Variants in E2F5 observed in about 807,000 individuals in gnomAD.
E2F5 encodes the protein E2F transcription factor 5.
A neutral mutation model predicts 39.1 loss-of-function variants in E2F5; 23 were observed. That is an observed-to-expected ratio of 0.59 (90% CI 0.42 to 0.83). The LOEUF (loss-of-function observed/expected upper bound fraction) is 0.83, where lower values mean the gene tolerates loss of function less well. Ranked by LOEUF, E2F5 falls within the 40% of genes least tolerant of loss-of-function variation. The pLI, the probability that E2F5 is intolerant of heterozygous loss-of-function variation, is 0.00. For synonymous variants in E2F5, 145 were observed against 157.8 expected (o/e 0.92, Z 0.61); for missense variants, 365 against 406.7 (o/e 0.90, Z 0.88).
intron 1 of E2F5, among the ~76,000 whole-genome samples, chr8:85,194,104 T>C (rs1812527058): frequency 6.6e-6 from 1 of 152,168 alleles, no homozygotes; most frequent in Admixed American, 6.5e-5. Flanking sequence ...GTTTTCTATG[T>C]TTTAATTATT....
At chr8:85,210,340 CTATAAA>C (rs1812889065) in intron 6 of E2F5, among the ~76,000 whole-genome samples, 1 of 152,086 alleles carries the variant, frequency 6.6e-6, no homozygotes, top group Non-Finnish European at 1.5e-5. Flanking sequence ...TTTCTTTCCC[CTATAAA>C]TATGTCTATA....
In E2F5 at chr8:85,194,597, C is replaced by T. The variant is rs560065736; in HGVS notation, c.235-7550C>T. Among the ~76,000 whole-genome samples the T allele has an allele frequency of 2.7e-4, 38 of 138,970 alleles. No homozygotes were observed. In the South Asian group the frequency reaches 7.8e-3, roughly 29 times the overall value. The allele number at this position is 138,970 out of a possible 152,430, so 91.2% of individuals were successfully genotyped here. On this transcript the variant is annotated intron_variant, in intron 1 of 7. Coordinates refer to ENST00000416274, the MANE Select transcript of E2F5 (RefSeq NM_001951.4). ...TCACCCAGGCTGGAGTGCAGTGGTG[C>T]GATCTCAGCTCACTGCTACCTCTGC...
Position 85,177,598 on chromosome 8 carries a change from A to G in E2F5, c.178A>G (p.Thr60Ala), listed in dbSNP as rs1812112738. ...CGAGAAGAGCCTGGGGCTGCTCACT[A>G]CCAAGTTCGTGTCGCTGCTGCAGGA... is the stretch of plus-strand genomic sequence containing the variant. ...RHEKSLGLLTTKFVSLLQEAK... is the reference protein window; with the variant it reads ...RHEKSLGLLTAKFVSLLQEAK... Residue 60 changes from threonine (T) to alanine (A), a missense_variant, in exon 1 of 8, where the codon ACC becomes GCC. Coordinates refer to ENST00000416274, the MANE Select transcript of E2F5 (RefSeq NM_001951.4). The G allele has an allele frequency of 7.7e-7, 1 of 1,294,974 alleles. No homozygotes were observed. The allele number at this position is 1,294,974 out of a possible 1,614,324, so 80.2% of individuals were successfully genotyped here.
At chr8:85,196,931 T>G (rs1235976327) in intron 1 of E2F5, among the ~76,000 whole-genome samples, 1 of 152,220 alleles carries the variant, frequency 6.6e-6, no homozygotes, top group Non-Finnish European at 1.5e-5. Context: ...ATGAAATAGA[T>G]CAACATAAAG....
intron 1 of E2F5, among the ~76,000 whole-genome samples, chr8:85,194,147 A>T (rs767395142): frequency 6.6e-6 from 1 of 152,058 alleles, no homozygotes; most frequent in African/African-American, 2.4e-5. Flanking sequence ...TCTTCTATAT[A>T]TGTAACATTT....
intron 6 of E2F5, 84 bp from the exon 7 acceptor site, chr8:85,212,073 G>A (rs1812937289): frequency 9.5e-7 from 1 of 1,047,334 alleles, no homozygotes; most frequent in African/African-American, 1.6e-5. Context: ...TGTCAGTCAA[G>A]CTGCTGCTGT....
At chr8:85,212,773 G>GT (rs34242372) in intron 7 of E2F5, 94,924 of 152,078 alleles carry the variant, frequency 0.62, 30,279 homozygotes, top group Non-Finnish European at 0.67. Context: ...AAATGTTATA[G>GT]TAACTAGAGA....
At chr8:85,190,497 C>CTTTTT (rs34804570) in intron 1 of E2F5, among the ~76,000 whole-genome samples, 57 of 70,334 alleles carry the variant, frequency 8.1e-4, no homozygotes, top group African/African-American at 1.7e-3. Context: ...GAGATTTTTC[C>CTTTTT]TTTTTTTTTT....
intron 4 of E2F5, 140 bp downstream of exon 4, chr8:85,206,360 T>C: frequency 1.3e-6 from 1 of 760,776 alleles, no homozygotes; most frequent in Non-Finnish European, 2.1e-6. Context: ...TGCCGTGTAT[T>C]GATAGACTGC....
intron 1 of E2F5, among the ~76,000 whole-genome samples, chr8:85,192,290 A>C (rs1162719707): frequency 6.6e-6 from 1 of 152,234 alleles, no homozygotes; most frequent in Non-Finnish European, 1.5e-5. Flanking sequence ...GACATGAATA[A>C]GATGCCTGTG....
At position 85,202,271 on chromosome 8, in the gene E2F5, A is replaced by G; in HGVS notation, c.344+15A>G. On this transcript the variant is annotated intron_variant, in intron 2 of 7. Transcript: ENST00000416274. ...ATCCAGTGGAAGTAAGTTACAAACC[A>G]GCACCCTCTTCTGAAACCTTTTTTC... 6.5e-7 allele frequency: 1 copy of G among 1,545,080 alleles called. No homozygotes were observed. The highest frequency in any genetic ancestry group is 8.7e-7 in the Non-Finnish European group (1 of 1,143,732).
chr8:85,204,605 T>A lies in E2F5; in HGVS notation c.506+1350T>A, dbSNP rs540234041. Among the ~76,000 whole-genome samples, 14 of 151,680 alleles carry A rather than the reference T, an allele frequency of 9.2e-5. No individual in the cohort carries two copies. The East Asian group carries it at 2.7e-3, about 30-fold the overall frequency. Reference sequence around the variant, plus strand: ...ATACCTAATGCTAAATGACGAGTTATTGGGTGCAGCACGCCAACATGGCAC... The same window carrying A: ...ATACCTAATGCTAAATGACGAGTTAATGGGTGCAGCACGCCAACATGGCAC... On this transcript the variant is annotated intron_variant, in intron 3 of 7. Transcript: ENST00000416274.
intron 1 of E2F5, 188 bp downstream of exon 1, chr8:85,177,842 A>G (rs1432514508): frequency 1.2e-5 from 12 of 1,034,648 alleles, no homozygotes; most frequent in Non-Finnish European, 1.4e-5. Flanking sequence ...GGGACGAGGG[A>G]CCAGGATGGC....
At chr8:85,212,079 GCTGT>G in intron 6 of E2F5, 74 bp from the exon 7 acceptor site, 1 of 1,119,742 alleles carries the variant, frequency 8.9e-7, no homozygotes, top group South Asian at 1.3e-5. Flanking sequence ...TCAAGCTGCT[GCTGT>G]GACTACTTGT....
intron 1 of E2F5, chr8:85,177,953 C>T (rs990685899): frequency 1.5e-5 from 3 of 203,948 alleles, no homozygotes; most frequent in Non-Finnish European, 1.8e-5. Flanking sequence ...TCTCCGGGCG[C>T]AGGGACCTGA....
At chr8:85,206,265 T>G in intron 4 of E2F5, 45 bp downstream of exon 4, 1 of 1,568,522 alleles carries the variant, frequency 6.4e-7, no homozygotes. Flanking sequence ...TCTCAACCTA[T>G]TTAGTGGAGG....
chr8:85,203,959 T>TA (rs1236258747), intron 3 of E2F5, among the ~76,000 whole-genome samples: 1 of 151,658 alleles, frequency 6.6e-6, no homozygotes, highest in Non-Finnish European at 1.5e-5. Context: ...TTTATGAACT[T>TA]ACCTGTACTC....
rs749670424 is a variant in E2F5 at position 85,206,201 on chromosome 8, C to A, written c.531C>A (p.Asp177Glu). The A allele has an allele frequency of 7.4e-6, 12 of 1,613,244 alleles. No individual in the cohort carries two copies. The highest frequency in any genetic ancestry group is 1.3e-5 in the African/African-American group (1 of 75,018). ...CATTTTCCTATGTAACTCATGAAGA[C>A]ATCTGTAATTGCTTTAATGGTAAGT... ...NNRFSYVTHEDICNCFNGDTL... is the reference protein window; with the variant it reads ...NNRFSYVTHEEICNCFNGDTL... The change falls in exon 4 of 8, where the codon GAC becomes GAA. Residue 177 changes from aspartate (D) to glutamate (E), a missense_variant. By Grantham distance (45) the Asp-to-Glu change is conservative. Transcript: ENST00000416274.
chr8:85,177,804 C>A lies in E2F5; in HGVS notation c.234+150C>A, dbSNP rs1465642763. On this transcript the variant is annotated intron_variant, in intron 1 of 7. Coordinates refer to ENST00000416274, the MANE Select transcript of E2F5 (RefSeq NM_001951.4). ...CAATCCGAGGACCATGTGGCCTGCG[C>A]CCGGGTCGTGGACGCCGGGATGGGG... 4.4e-6 allele frequency: 5 copies of A among 1,142,846 alleles called. No homozygotes were observed. The Middle Eastern group carries it at 1.1e-3, about 244-fold the overall frequency. 70.8% of individuals were successfully genotyped at this position (1,142,846 alleles called of 1,614,324 possible).
Sources: allele counts gnomAD v4.1 joint callset (sites outside exome capture counted in the v4.1 genomes callset), GRCh38; gene constraint gnomAD v4.1.1; transcripts MANE v1.5; gene names NCBI Gene and HGNC (gene_info 2026-07-23, HGNC 2026-07-21).